LAMA2: variants seen among roughly 807,000 people sequenced by gnomAD.
The protein encoded by LAMA2 is laminin subunit alpha-2.
A neutral mutation model predicts 364.8 loss-of-function variants in LAMA2; 269 were observed. The ratio of observed to expected loss-of-function variants is 0.74; its 90% confidence interval spans 0.67 to 0.82. LAMA2 has a LOEUF of 0.82. Ranked by LOEUF, LAMA2 falls within the 40% of genes least tolerant of loss-of-function variation. The pLI, the probability that LAMA2 is intolerant of heterozygous loss-of-function variation, is 0.00. For synonymous variants in LAMA2, 1,379 were observed against 1,370.6 expected, an observed-to-expected ratio of 1.01 and a Z score of -0.14; for missense variants, 3,807 against 3,873.2, an observed-to-expected ratio of 0.98 and a Z score of 0.45.
intron 12 of LAMA2, among the ~76,000 whole-genome samples, chr6:129,228,613 A>G (rs1258933561): frequency 6.6e-6 from 1 of 152,206 alleles, no homozygotes; most frequent in African/African-American, 2.4e-5. Flanking sequence ...ATCATAACAC[A>G]TGTGTATAAT....
chr6:129,477,951 CT>C (rs966365364), intron 53 of LAMA2, among the ~76,000 whole-genome samples: 4 of 151,386 alleles, frequency 2.6e-5, no homozygotes, highest in Non-Finnish European at 4.4e-5. Context: ...TGCCCAGCTA[CT>C]TTTTTTGGAG....
chr6:129,336,785 C>A (rs760311556), intron 29 of LAMA2, among the ~76,000 whole-genome samples: 4 of 152,154 alleles, frequency 2.6e-5, no homozygotes, highest in Non-Finnish European at 5.9e-5. Flanking sequence ...AAAAATGTGA[C>A]CCAGAGTACA....
At chr6:129,410,147 C>A (rs1405179342) in intron 40 of LAMA2, among the ~76,000 whole-genome samples, 1 of 152,126 alleles carries the variant, frequency 6.6e-6, no homozygotes, top group Non-Finnish European at 1.5e-5. Context: ...GAATGAATTC[C>A]ATAGTTCAGA....
chr6:128,897,341 A>C (rs191381867), intron 1 of LAMA2, among the ~76,000 whole-genome samples: 1 of 151,346 alleles, frequency 6.6e-6, no homozygotes, highest in Non-Finnish European at 1.5e-5. Context: ...TTTTTTTTTT[A>C]AAGACTCCTT....
intron 1 of LAMA2, among the ~76,000 whole-genome samples, chr6:128,963,954 A>G (rs1369596765): frequency 3.3e-5 from 5 of 152,118 alleles, no homozygotes; most frequent in Non-Finnish European, 5.9e-5. Context: ...AAATGTTTGT[A>G]TGCTTCATGT....
intron 28 of LAMA2, among the ~76,000 whole-genome samples, chr6:129,321,850 A>G (rs959289227): frequency 5.3e-5 from 8 of 152,204 alleles, no homozygotes; most frequent in Non-Finnish European, 7.3e-5. Context: ...AATAATGAGT[A>G]TACATTTCTT....
chr6:129,475,989 A>G (rs1326954781), intron 53 of LAMA2, among the ~76,000 whole-genome samples: 2 of 152,202 alleles, frequency 1.3e-5, no homozygotes, highest in Non-Finnish European at 2.9e-5. Context: ...TGGAAATACT[A>G]TATTTAAAAT....
intron 10 of LAMA2, among the ~76,000 whole-genome samples, chr6:129,182,350 G>A (rs1386015454): frequency 1.3e-5 from 2 of 151,152 alleles, no homozygotes; most frequent in Non-Finnish European, 3.0e-5. Flanking sequence ...ATCTTTGAAG[G>A]TGATAAAACC....
chr6:129,190,376 G>T (rs1562314450), intron 11 of LAMA2, 31 bp downstream of exon 11: 14 of 1,607,954 alleles, frequency 8.7e-6, no homozygotes, highest in Non-Finnish European at 1.1e-5. Flanking sequence ...TCTGTTTGCT[G>T]CCCCAGCAGC....
intron 34 of LAMA2, among the ~76,000 whole-genome samples, chr6:129,371,509 G>A (rs1778075800): frequency 6.6e-6 from 1 of 151,924 alleles, no homozygotes; most frequent in South Asian, 2.1e-4. Flanking sequence ...TAGGAATTAT[G>A]ACACTGGGGA....
intron 41 of LAMA2, 75 bp downstream of exon 41, chr6:129,427,929 G>A (rs1009254780): frequency 3.7e-5 from 34 of 909,664 alleles, no homozygotes; most frequent in Admixed American, 2.4e-4. Flanking sequence ...TCACACTATT[G>A]GAGAATGTAA....
chr6:129,467,335 A>G (rs550228944), intron 51 of LAMA2, among the ~76,000 whole-genome samples: 35 of 151,892 alleles, frequency 2.3e-4, no homozygotes, highest in Middle Eastern at 3.4e-3. Flanking sequence ...GATGGAAACA[A>G]TAGACACTGG....
chr6:128,943,188 A>T (rs1780265679), intron 1 of LAMA2, among the ~76,000 whole-genome samples: 1 of 152,118 alleles, frequency 6.6e-6, no homozygotes, highest in Non-Finnish European at 1.5e-5. Context: ...ACACATACGC[A>T]CAAGAAGACT....
chr6:129,307,203 A>G (rs1280283479), intron 22 of LAMA2, among the ~76,000 whole-genome samples: 1 of 152,226 alleles, frequency 6.6e-6, no homozygotes, highest in African/African-American at 2.4e-5. Flanking sequence ...CTAAGCTGTG[A>G]AACTTCTGAG....
chr6:129,062,455 C>G (rs1788988676), intron 3 of LAMA2, among the ~76,000 whole-genome samples: 1 of 152,032 alleles, frequency 6.6e-6, no homozygotes, highest in Non-Finnish European at 1.5e-5. Flanking sequence ...TTCAAGGGCT[C>G]CAAATGTAGT....
intron 39 of LAMA2, 112 bp from the exon 40 acceptor site, chr6:129,403,709 C>A: frequency 1.0e-6 from 1 of 958,998 alleles, no homozygotes; most frequent in Non-Finnish European, 1.7e-6. Context: ...TTGGAATTGT[C>A]ATAGATATAT....
At chr6:129,269,773 GA>G (rs567034710) in intron 16 of LAMA2, among the ~76,000 whole-genome samples, 1 of 151,982 alleles carries the variant, frequency 6.6e-6, no homozygotes, top group Non-Finnish European at 1.5e-5. Context: ...TCAAATCGGG[GA>G]AAAAATCTTT....
chr6:129,428,631 G>A (rs1418027962), intron 41 of LAMA2, among the ~76,000 whole-genome samples: 2 of 152,040 alleles, frequency 1.3e-5, no homozygotes, highest in South Asian at 4.2e-4. Context: ...TTTGAGTAGA[G>A]ACAGGGTTTC....
chr6:129,080,512 T>C (rs1187212608), intron 3 of LAMA2, among the ~76,000 whole-genome samples: 1 of 152,172 alleles, frequency 6.6e-6, no homozygotes, highest in African/African-American at 2.4e-5. Flanking sequence ...GGGTTGATTA[T>C]TGAAATGTCC....
Sources: gnomAD v4.1 joint callset for allele counts (sites outside exome capture counted in the v4.1 genomes callset) on GRCh38, gnomAD v4.1.1 for gene constraint, MANE v1.5 for transcripts, NCBI Gene and HGNC (gene_info 2026-07-23, HGNC 2026-07-21) for gene names.